Variants in PDXDC1 observed in about 807,000 individuals in gnomAD.
PDXDC1 encodes pyridoxal-dependent decarboxylase domain-containing protein 1.
A neutral mutation model predicts 100.1 loss-of-function variants in PDXDC1; 42 were observed. That is an observed-to-expected ratio of 0.42 (90% CI 0.33 to 0.54). The LOEUF (loss-of-function observed/expected upper bound fraction) is 0.54. PDXDC1 is among the 20% of genes least tolerant of loss of function. The pLI is 0.10. For synonymous variants in PDXDC1, 260 were observed against 371.7 expected (o/e 0.70, Z 3.46); for missense variants, 636 against 979.2 (o/e 0.65, Z 4.68).
the PDXDC1 span, among the ~76,000 whole-genome samples, chr16:15,149,754 G>A: frequency 7.9e-5 from 12 of 152,098 alleles, no homozygotes; most frequent in Admixed American, 3.3e-4. Context: ...GCAGACCCAG[G>A]TGACCCCCAG....
chr16:15,128,755 A>G (rs1055307383), intron 16 of PDXDC1, among the ~76,000 whole-genome samples: 31 of 151,900 alleles, frequency 2.0e-4, no homozygotes, highest in South Asian at 8.3e-4. Context: ...CATAGACTGC[A>G]AAGCGTGAAG....
chr16:15,131,511 C>T lies in PDXDC1; in HGVS notation c.1400-7368C>T, dbSNP rs570853810. The T allele has an allele frequency of 5.6e-6, 9 of 1,608,888 alleles. No homozygotes were observed. In the East Asian group the frequency reaches 2.0e-4, roughly 36 times the overall value. On this transcript the variant is annotated intron_variant, in intron 16 of 16. Transcript: ENST00000535621. ...ACAGCAGGCTCCGCGGGTCCGAGCG[C>T]TTGCCCTGGGCCACGATCTCCTCGC...
chr16:15,035,522 C>T lies in PDXDC1; in HGVS notation c.2076C>T (p.Pro692=), dbSNP rs755039030. The change falls in exon 22 of 23, where the codon CCC becomes CCT. Residue 692 remains proline, a synonymous_variant. Transcript: ENST00000396410. ...QGAGVTLPPT[P]SGSRTKQRLP... ...CAGGAGTCACGCTGCCTCCAACGCC[C>T]TCGGGCAGTCGCACCAAGCAGAGGC... 3.7e-6 allele frequency: 6 copies of T among 1,612,070 alleles called. No individual in the cohort carries two copies. The highest frequency in any genetic ancestry group is 4.5e-5 in the East Asian group (2 of 44,836).
chr16:15,077,329 G>C (rs1194745825), intron 16 of PDXDC1, among the ~76,000 whole-genome samples: 1 of 152,124 alleles, frequency 6.6e-6, no homozygotes, highest in South Asian at 2.1e-4. Flanking sequence ...CATGTTGCTG[G>C]GGGGGGACTG....
chr16:15,020,236 T>C (rs2042087956), intron 12 of PDXDC1, among the ~76,000 whole-genome samples: 1 of 152,084 alleles, frequency 6.6e-6, no homozygotes. Context: ...GAAATATAAA[T>C]TATATGACAA....
chr16:15,087,127 T>C (rs1807080906), intron 16 of PDXDC1, among the ~76,000 whole-genome samples: 2 of 152,134 alleles, frequency 1.3e-5, no homozygotes, highest in Admixed American at 6.6e-5. Flanking sequence ...TATTCATGCA[T>C]ATATACTGCA....
At chr16:15,029,013 A>G (rs771640695) in intron 15 of PDXDC1, 47 bp downstream of exon 15, 1 of 1,583,332 alleles carries the variant, frequency 6.3e-7, no homozygotes, top group Non-Finnish European at 8.6e-7. Flanking sequence ...CCCGTCCATC[A>G]CCATCCGACC....
chr16:15,067,988 T>C (rs1006832779), intron 16 of PDXDC1, among the ~76,000 whole-genome samples: 2 of 151,974 alleles, frequency 1.3e-5, no homozygotes, highest in African/African-American at 4.8e-5. Flanking sequence ...TTTTAACTCC[T>C]GGCCTCAAGC....
chr16:14,975,898 T>C (rs1966764620), intron 1 of PDXDC1, among the ~76,000 whole-genome samples: 1 of 152,292 alleles, frequency 6.6e-6, no homozygotes, highest in African/African-American at 2.4e-5. Context: ...GGGTGTTGCG[T>C]AGATTGCGAA....
rs553927380 is a variant in PDXDC1, at chr16:15,127,940, G to A, written c.1400-10939G>A. The A allele has an allele frequency of 1.8e-4, 268 of 1,466,780 alleles. 1 individual carries two copies. The highest frequency in any genetic ancestry group is 2.0e-5 in the Non-Finnish European group (21 of 1,058,806). 90.9% of individuals were successfully genotyped at this position (1,466,780 alleles called of 1,614,324 possible). A position where few individuals can be genotyped will look rare whatever the true frequency, so the allele number is the denominator to read the frequency against. On this transcript the variant is annotated intron_variant, in intron 16 of 16. Coordinates refer to the PDXDC1 transcript ENST00000535621. ...CCGCACTGCAGGAGGCCACGGGGCA[G>A]GACCACCCTGCCCAACCTCCCACGG...
At chr16:15,001,220 G>A (rs1333104920) in intron 3 of PDXDC1, among the ~76,000 whole-genome samples, 1 of 152,258 alleles carries the variant, frequency 6.6e-6, no homozygotes, top group South Asian at 2.1e-4. Flanking sequence ...TGGGCGTGGT[G>A]GCTCATGCCT....
At chr16:15,124,170 G>A (rs1047132396) in intron 16 of PDXDC1, among the ~76,000 whole-genome samples, 6 of 152,302 alleles carry the variant, frequency 3.9e-5, no homozygotes, top group African/African-American at 1.2e-4. Context: ...CGCATCATGT[G>A]TGATGGGTGG....
At chr16:15,098,531 A>T (rs147489450) in intron 16 of PDXDC1, among the ~76,000 whole-genome samples, 1 of 151,914 alleles carries the variant, frequency 6.6e-6, no homozygotes, top group Non-Finnish European at 1.5e-5. Context: ...GAAATTGTTC[A>T]TCTGGATCCT....
Position 15,000,537 on chromosome 16 carries a change from A to G in PDXDC1, c.162-1239A>G, listed in dbSNP as rs1190817175. On this transcript the variant is annotated intron_variant, in intron 3 of 22. Coordinates refer to ENST00000396410, the MANE Select transcript of PDXDC1 (RefSeq NM_015027.4). Reference sequence around the variant, plus strand: ...TGGCGCTTCCTTTGTTGAAAGAGGAAACCTCTTTTTAGTCTATTCTCATTA... The same window carrying G: ...TGGCGCTTCCTTTGTTGAAAGAGGAGACCTCTTTTTAGTCTATTCTCATTA... Among the ~76,000 whole-genome samples, 26 of 152,374 alleles carry G rather than the reference A, an allele frequency of 1.7e-4. No homozygotes were observed. The East Asian group carries it at 3.7e-3, about 22-fold the overall frequency.
chr16:15,034,151 C>T (rs1445055912), intron 19 of PDXDC1, 135 bp from the exon 20 acceptor site: 15 of 693,120 alleles, frequency 2.2e-5, no homozygotes, highest in Non-Finnish European at 3.2e-5. Flanking sequence ...AGTTTCTGTT[C>T]GTTTTACGCC....
At chr16:15,069,080 G>C (rs1210381080) in intron 16 of PDXDC1, among the ~76,000 whole-genome samples, 3 of 152,308 alleles carry the variant, frequency 2.0e-5, no homozygotes, top group East Asian at 3.9e-4. Context: ...ACATCTTTTA[G>C]AAGCATGTAG....
At chr16:15,116,510 G>A (rs1437134014) in intron 16 of PDXDC1, among the ~76,000 whole-genome samples, 1 of 133,176 alleles carries the variant, frequency 7.5e-6, no homozygotes, top group Non-Finnish European at 1.6e-5. Context: ...AAATTACCAA[G>A]GTGGAGATCA....
chr16:15,129,639 C>T (rs2047944949), intron 16 of PDXDC1, among the ~76,000 whole-genome samples: 1 of 152,244 alleles, frequency 6.6e-6, no homozygotes, highest in South Asian at 2.1e-4. Flanking sequence ...GGCCACGCTA[C>T]TGTGCAGAAT....
At chr16:15,141,785 A>G (rs1324118757), downstream of PDXDC1, among the ~76,000 whole-genome samples, 2 of 152,338 alleles carry the variant, frequency 1.3e-5, no homozygotes, top group Non-Finnish European at 2.9e-5. Context: ...CTGGGAGACC[A>G]GCAAGAGGCC....
Sources: gnomAD v4.1 joint callset for allele counts (sites outside exome capture counted in the v4.1 genomes callset) on GRCh38, gnomAD v4.1.1 for gene constraint, MANE v1.5 for transcripts, NCBI Gene and HGNC (gene_info 2026-07-23, HGNC 2026-07-21) for gene names.